The following CDC42BPB variants were observed in gnomAD, a reference collection of about 807,000 sequenced individuals.
The protein encoded by CDC42BPB is CDC42 binding protein kinase beta, also known as serine/threonine-protein kinase MRCK beta.
CDC42BPB carries 37 observed loss-of-function variants against 214.9 expected under a neutral mutation model. That is an observed-to-expected ratio of 0.17 (90% CI 0.13 to 0.23). The LOEUF (loss-of-function observed/expected upper bound fraction) is 0.23. Among genes scored for constraint, CDC42BPB ranks in the 10% least tolerant of loss-of-function variants. The pLI is 1.00. For missense variants in CDC42BPB, 1,694 were observed against 2,227.0 expected (o/e 0.76, Z 4.82); for synonymous variants, 931 against 884.0 (o/e 1.05, Z -0.94).
chr14:103,041,394 T>C, intron 1 of CDC42BPB: 1 of 568,562 alleles, frequency 1.8e-6, no homozygotes, highest in Non-Finnish European at 3.0e-6. Flanking sequence ...CAATGGATTG[T>C]TAGATATGAC....
At chr14:103,051,139 C>G (rs1888580386) in intron 1 of CDC42BPB, among the ~76,000 whole-genome samples, 1 of 89,722 alleles carries the variant, frequency 1.1e-5, no homozygotes, top group Non-Finnish European at 1.8e-5. Flanking sequence ...CAGTTAGTGG[C>G]TAGTGTATTT....
intron 9 of CDC42BPB, among the ~76,000 whole-genome samples, chr14:102,976,567 A>G (rs1566874847): frequency 6.6e-6 from 1 of 152,270 alleles, no homozygotes; most frequent in Non-Finnish European, 1.5e-5. Context: ...CACACAGCCG[A>G]GGCACAGGCT....
intron 25 of CDC42BPB, 149 bp from the exon 26 acceptor site, chr14:102,950,053 G>T: frequency 6.8e-7 from 1 of 1,473,310 alleles, no homozygotes; most frequent in Non-Finnish European, 8.9e-7. Flanking sequence ...GGCTCAAGGC[G>T]TTGCTGGGGA....
At chr14:103,008,105 A>G (rs1457844063) in intron 3 of CDC42BPB, among the ~76,000 whole-genome samples, 1 of 152,218 alleles carries the variant, frequency 6.6e-6, no homozygotes, top group Non-Finnish European at 1.5e-5. Flanking sequence ...GTGGGAATCT[A>G]AAGACCTATT....
At position 102,961,038 on chromosome 14, in the gene CDC42BPB, G is replaced by A. The variant is rs1215684268; in HGVS notation, c.2822-1328C>T. On this transcript the variant is annotated intron_variant, in intron 20 of 36. Transcript: ENST00000361246. ...AATAAATAGCCAGGTGTGGTGGCACGTGCCTGTAGTCCCAGCTACTCAGGG... is the reference window on the plus strand; with the variant it reads ...AATAAATAGCCAGGTGTGGTGGCACATGCCTGTAGTCCCAGCTACTCAGGG... Among the ~76,000 whole-genome samples, 10 of 152,158 alleles carry A rather than the reference G, an allele frequency of 6.6e-5. No individual in the cohort carries two copies. The East Asian group carries it at 1.4e-3, about 21-fold the overall frequency.
chr14:102,976,058 C>A lies in CDC42BPB; in HGVS notation c.1221-9G>T, dbSNP rs767111637. 1 of 1,605,404 alleles carries A rather than the reference C, an allele frequency of 6.2e-7. No individual in the cohort carries two copies. Among genetic ancestry groups the A allele is most frequent in the African/African-American group, 1.3e-5 (1 of 74,836 alleles). On this transcript the variant is annotated splice_polypyrimidine_tract_variant and intron_variant, in intron 9 of 36. Coordinates refer to ENST00000361246, the MANE Select transcript of CDC42BPB (RefSeq NM_006035.4). ...CTCGATCAGAAAAACAGCTGGGAAA[C>A]CAAGCAACAGGTTTTTTTGATCTAC...
At chr14:102,945,116 G>C (rs1326107647) in intron 29 of CDC42BPB, 1 of 380,094 alleles carries the variant, frequency 2.6e-6, no homozygotes, top group African/African-American at 2.1e-5. Flanking sequence ...CGCCCTTCTC[G>C]CTCCACGGCC....
At position 102,973,781 on chromosome 14, in the gene CDC42BPB, G is replaced by GGGGGT. The variant is rs370804512; in HGVS notation, c.1641+230_1641+234dup. ...CGAGGTGGATAACCGCTGGGGGCAA[G>GGGGGT]GGGGTGGAAGGCACCTGCCACTGGG... On this transcript the variant is annotated intron_variant, in intron 12 of 36. Transcript: ENST00000361246. 5.8e-4 allele frequency among the ~76,000 whole-genome samples: 89 copies of GGGGGT among 152,332 alleles called. 1 individual carries two copies. The highest frequency in any genetic ancestry group is 2.1e-3 in the African/African-American group (88 of 41,568).
chr14:102,974,041 C>G lies in CDC42BPB; in HGVS notation c.1616G>C (p.Arg539Pro), dbSNP rs753894689. 2 of 1,611,316 alleles carry G rather than the reference C, an allele frequency of 1.2e-6. No individual in the cohort carries two copies. The highest frequency in any genetic ancestry group is 1.1e-5 in the South Asian group (1 of 90,912). ...CTTGTGCAGCTCCTCCTTCTCCTGC[C>G]GGACCACGCGGTGCTGCTTCTCCAG... Reference protein sequence around the residue: ...RGLEKQHRVVRQEKEELHKQL... With the variant: ...RGLEKQHRVVPQEKEELHKQL... Residue 539 changes from arginine to proline, a missense_variant, in exon 12 of 37, where the codon CGG becomes CCG. Physicochemically the swap from Arg to Pro is moderately radical, Grantham distance 103 (BLOSUM62 -2). Transcript: ENST00000361246.
At chr14:102,993,388 C>T (rs1375587762) in intron 5 of CDC42BPB, among the ~76,000 whole-genome samples, 1 of 152,188 alleles carries the variant, frequency 6.6e-6, no homozygotes, top group Non-Finnish European at 1.5e-5. Flanking sequence ...GGATGCGAGG[C>T]TTCTGGCCAA....
At chr14:102,989,273 G>C (rs1009237652) in intron 5 of CDC42BPB, among the ~76,000 whole-genome samples, 2 of 152,206 alleles carry the variant, frequency 1.3e-5, no homozygotes, top group African/African-American at 2.4e-5. Flanking sequence ...AAGCTGCAAG[G>C]AAACAGGCAC....
intron 5 of CDC42BPB, among the ~76,000 whole-genome samples, chr14:102,995,081 A>G (rs145507083): frequency 4.6e-5 from 7 of 151,772 alleles, no homozygotes; most frequent in Non-Finnish European, 1.0e-4. Context: ...TTTGTTTTCT[A>G]CATATTCTTT....
Position 102,932,878 on chromosome 14 carries a change from G to T in CDC42BPB, c.*834C>A, listed in dbSNP as rs1369817127. 5 of 131,242 alleles carry T rather than the reference G, an allele frequency of 3.8e-5. No individual in the cohort carries two copies. Among genetic ancestry groups the T allele is most frequent in the Non-Finnish European group, 8.2e-5 (5 of 60,874 alleles). 8.1% of individuals were successfully genotyped at this position (131,242 alleles called of 1,614,324 possible). On this transcript the variant is annotated 3_prime_UTR_variant, in exon 37 of 37. Coordinates refer to ENST00000361246, the MANE Select transcript of CDC42BPB (RefSeq NM_006035.4). ...CTCCATGCGGGGGCAGGACTGGTGG[G>T]GGGGGGGGCGGGCAGGGCGGGGCGG...
intron 5 of CDC42BPB, among the ~76,000 whole-genome samples, chr14:102,993,115 C>A (rs976482598): frequency 1.3e-5 from 2 of 152,184 alleles, no homozygotes; most frequent in Non-Finnish European, 2.9e-5. Context: ...CAGGCGTGAG[C>A]CACTGCACCT....
chr14:103,049,806 C>T (rs1369683535), intron 1 of CDC42BPB, among the ~76,000 whole-genome samples: 6 of 152,172 alleles, frequency 3.9e-5, no homozygotes, highest in African/African-American at 9.7e-5. Flanking sequence ...CTCCGCCTCC[C>T]GGGTTTAAGT....
chr14:103,013,935 G>A (rs1191438335), intron 1 of CDC42BPB, among the ~76,000 whole-genome samples: 4 of 152,156 alleles, frequency 2.6e-5, no homozygotes, highest in Admixed American at 1.3e-4. Context: ...GGAGGCCGAG[G>A]CGGGCGGATC....
intron 25 of CDC42BPB, chr14:102,950,170 T>A: frequency 1.1e-6 from 1 of 901,058 alleles, no homozygotes; most frequent in Non-Finnish European, 1.3e-6. Context: ...GACAGTCTCG[T>A]AGAGGTGGGC....
intron 25 of CDC42BPB, 125 bp from the exon 26 acceptor site, chr14:102,950,029 T>G: frequency 2.7e-6 from 4 of 1,509,006 alleles, no homozygotes; most frequent in East Asian, 2.3e-5. Flanking sequence ...GACAGAGGGA[T>G]GTTTGCCCAA....
chr14:102,976,145 A>G lies in CDC42BPB; in HGVS notation c.1221-96T>C. The G allele has an allele frequency of 2.0e-6, 3 of 1,528,468 alleles. No homozygotes were observed. The South Asian group carries it at 3.9e-5, about 20-fold the overall frequency. 94.7% of individuals were successfully genotyped at this position (1,528,468 alleles called of 1,614,324 possible). On this transcript the variant is annotated intron_variant, in intron 9 of 36. Transcript: ENST00000361246. ...CCTGAGGTGAAAGATAGTCTTTTTA[A>G]ATCAGCAAACAAAAACACCTGAGAT...
Sources: allele counts gnomAD v4.1 joint callset (sites outside exome capture counted in the v4.1 genomes callset), GRCh38; gene constraint gnomAD v4.1.1; transcripts MANE v1.5; gene names NCBI Gene and HGNC (gene_info 2026-07-23, HGNC 2026-07-21).